The following DLGAP2 variants were observed in gnomAD, a reference collection of about 807,000 sequenced individuals.
The protein encoded by DLGAP2 is disks large-associated protein 2.
DLGAP2 carries 26 observed loss-of-function variants against 100.3 expected under a neutral mutation model. The ratio of observed to expected loss-of-function variants is 0.26; its 90% CI spans 0.19 to 0.36. DLGAP2 has a LOEUF of 0.36. Among genes scored for constraint, DLGAP2 ranks in the 10% least tolerant of loss-of-function variants. The pLI is 1.00. For synonymous variants in DLGAP2, 886 were observed against 630.1 expected (o/e 1.41, Z -6.08); for missense variants, 1,858 against 1,453.2 (o/e 1.28, Z -4.53).
At chr8:1,382,948 C>T (rs1185127384) in intron 3 of DLGAP2, among the ~76,000 whole-genome samples, 2 of 152,002 alleles carry the variant, frequency 1.3e-5, no homozygotes, top group Non-Finnish European at 2.9e-5. Flanking sequence ...TAGAGAGAGA[C>T]CCTAATCAAT....
At chr8:1,041,624 G>T (rs1433992509) in intron 2 of DLGAP2, among the ~76,000 whole-genome samples, 3,025 of 118,328 alleles carry the variant, frequency 0.026, 17 homozygotes, top group Non-Finnish European at 0.035. Context: ...CCTTGCCGTG[G>T]GTGAGTGTTC....
chr8:1,009,791 G>A lies in DLGAP2; in HGVS notation c.73+101825G>A, dbSNP rs116206120. The stretch of plus-strand genomic sequence containing the variant: ...TAGACCTTGCTCACATAATCCTGGC[G>A]CTTTGCAGAGGAAGGAGGTGGTAAT... On this transcript the variant is annotated intron_variant, in intron 2 of 14. Coordinates refer to ENST00000637795, the MANE Select transcript of DLGAP2 (RefSeq NM_001346810.2). 3.0e-3 allele frequency among the ~76,000 whole-genome samples: 451 copies of A among 152,316 alleles called. 2 individuals are homozygous for A. Among genetic ancestry groups the A allele is most frequent in the African/African-American group, 8.5e-3 (352 of 41,558 alleles).
At chr8:1,368,417 A>C (rs10095676) in intron 3 of DLGAP2, among the ~76,000 whole-genome samples, 64,675 of 151,868 alleles carry the variant, frequency 0.43, 13,919 homozygotes, top group South Asian at 0.47. Context: ...GCATGTATGT[A>C]TGTGTGCAAG....
chr8:1,049,611 A>C (rs183339374), intron 2 of DLGAP2, among the ~76,000 whole-genome samples: 2 of 152,266 alleles, frequency 1.3e-5, no homozygotes, highest in African/African-American at 4.8e-5. Context: ...ACTCTGAAAT[A>C]ACCACTATTG....
At chr8:1,551,009 C>T (rs776508774) in intron 5 of DLGAP2, among the ~76,000 whole-genome samples, 1 of 152,218 alleles carries the variant, frequency 6.6e-6, no homozygotes. Flanking sequence ...GACTAGCAGC[C>T]GTGATTCTTT....
chr8:767,647 G>A (rs917842839), intron 1 of DLGAP2, among the ~76,000 whole-genome samples: 6 of 152,106 alleles, frequency 3.9e-5, no homozygotes, highest in Non-Finnish European at 7.3e-5. Context: ...GAGCCACCAC[G>A]CCAGGACGGC....
At chr8:999,499 G>A (rs1457251376) in intron 2 of DLGAP2, among the ~76,000 whole-genome samples, 3 of 141,734 alleles carry the variant, frequency 2.1e-5, no homozygotes, top group Non-Finnish European at 4.5e-5. Context: ...TTTTTTTCCC[G>A]ATGGAGTGTC....
intron 2 of DLGAP2, among the ~76,000 whole-genome samples, chr8:947,852 A>C (rs1343900502): frequency 1.7e-5 from 2 of 117,218 alleles, no homozygotes; most frequent in Admixed American, 8.6e-5. Context: ...GTGCCAGCCC[A>C]TGTGTGCCAT....
chr8:1,467,519 T>G (rs1798660320), intron 3 of DLGAP2, among the ~76,000 whole-genome samples: 1 of 151,974 alleles, frequency 6.6e-6, no homozygotes, highest in South Asian at 2.1e-4. Context: ...CCCCATTACC[T>G]TGGCAGAGCC....
intron 2 of DLGAP2, among the ~76,000 whole-genome samples, chr8:1,039,395 C>G (rs201944865): frequency 1.2e-3 from 131 of 105,778 alleles, no homozygotes; most frequent in South Asian, 4.3e-3. Flanking sequence ...GGTTTCCGTG[C>G]TAAGCTTGGT....
chr8:1,351,775 C>T (rs1293951771), intron 3 of DLGAP2, among the ~76,000 whole-genome samples: 8 of 71,404 alleles, frequency 1.1e-4, no homozygotes, highest in African/African-American at 1.5e-4. Flanking sequence ...AAAGGCCGTG[C>T]GGGTCCTGAC....
intron 13 of DLGAP2, among the ~76,000 whole-genome samples, chr8:1,693,118 T>C (rs2130879205): frequency 6.8e-6 from 1 of 147,604 alleles, no homozygotes; most frequent in South Asian, 2.1e-4. Context: ...TATCCTTATA[T>C]ATACATGCTA....
intron 2 of DLGAP2, among the ~76,000 whole-genome samples, chr8:1,003,864 A>C (rs924294650): frequency 6.6e-6 from 1 of 152,250 alleles, no homozygotes; most frequent in Non-Finnish European, 1.5e-5. Context: ...TCAAGAGATG[A>C]TACCACAAGC....
chr8:1,446,314 A>G (rs1196708581), intron 3 of DLGAP2, among the ~76,000 whole-genome samples: 4 of 152,008 alleles, frequency 2.6e-5, no homozygotes, highest in Non-Finnish European at 5.9e-5. Flanking sequence ...ACATATGGCT[A>G]GCCAGTTTTC....
At chr8:1,260,823 C>G (rs1250459196) in intron 3 of DLGAP2, among the ~76,000 whole-genome samples, 1 of 152,188 alleles carries the variant, frequency 6.6e-6, no homozygotes, top group Non-Finnish European at 1.5e-5. Context: ...CTGTAGTCGT[C>G]CAGAGCATGG....
intron 3 of DLGAP2, among the ~76,000 whole-genome samples, chr8:1,347,526 C>G (rs560075156): frequency 1.3e-5 from 2 of 152,214 alleles, no homozygotes; most frequent in East Asian, 1.9e-4. Flanking sequence ...CTACATTGCA[C>G]TCATGGTAGC....
At chr8:1,486,216 C>T (rs546079677) in intron 3 of DLGAP2, among the ~76,000 whole-genome samples, 4 of 152,218 alleles carry the variant, frequency 2.6e-5, no homozygotes, top group African/African-American at 9.6e-5. Context: ...ATTACTTGCC[C>T]CAGATCATAA....
At chr8:1,351,080 A>G (rs1191118372) in intron 3 of DLGAP2, among the ~76,000 whole-genome samples, 1 of 22,704 alleles carries the variant, frequency 4.4e-5, no homozygotes, top group Non-Finnish European at 7.1e-5. Context: ...GTGTGTGGAA[A>G]CACCGTGCGG....
chr8:1,323,148 G>A (rs1800944861), intron 3 of DLGAP2, among the ~76,000 whole-genome samples: 1 of 151,580 alleles, frequency 6.6e-6, no homozygotes, highest in African/African-American at 2.4e-5. Flanking sequence ...TCCTACCTCA[G>A]CCTCCTGAGT....
Sources: gnomAD v4.1 joint callset for allele counts (sites outside exome capture counted in the v4.1 genomes callset) on GRCh38, gnomAD v4.1.1 for gene constraint, MANE v1.5 for transcripts, NCBI Gene and HGNC (gene_info 2026-07-23, HGNC 2026-07-21) for gene names.